The following UTP20 variants were observed in gnomAD, a reference collection of about 807,000 sequenced individuals.
UTP20 encodes small subunit processome component 20 homolog.
UTP20 carries 164 observed loss-of-function variants against 329.5 expected under a neutral mutation model. The ratio of observed to expected loss-of-function variants is 0.50; its 90% CI spans 0.44 to 0.57. UTP20 has a LOEUF of 0.57. Among genes scored for constraint, UTP20 ranks in the 20% least tolerant of loss-of-function variants. The pLI is 0.00. For missense variants in UTP20, 3,055 were observed against 3,284.2 expected, an observed-to-expected ratio of 0.93 and a Z score of 1.71; for synonymous variants, 1,151 against 1,159.3, an observed-to-expected ratio of 0.99 and a Z score of 0.14.
At chr12:101,384,015 T>G (rs1870747215) in intron 60 of UTP20, among the ~76,000 whole-genome samples, 1 of 144,972 alleles carries the variant, frequency 6.9e-6, no homozygotes, top group Non-Finnish European at 1.5e-5. Context: ...GAGTTTATTT[T>G]TAAAAAGAAA....
intron 18 of UTP20, among the ~76,000 whole-genome samples, chr12:101,309,549 C>T (rs559331793): frequency 2.6e-5 from 4 of 152,228 alleles, no homozygotes; most frequent in Admixed American, 1.3e-4. Context: ...TTTGCTGTAG[C>T]GATTCTTCTA....
intron 48 of UTP20, among the ~76,000 whole-genome samples, chr12:101,369,069 T>TA (rs1345574222): frequency 1.3e-5 from 2 of 152,230 alleles, no homozygotes; most frequent in Non-Finnish European, 2.9e-5. Context: ...TATTAAATGA[T>TA]AGTCAATTGT....
intron 28 of UTP20, 21 bp from the exon 29 acceptor site, chr12:101,334,404 G>GT: frequency 6.2e-7 from 1 of 1,604,490 alleles, no homozygotes; most frequent in Non-Finnish European, 8.5e-7. Flanking sequence ...TTGGTATTCT[G>GT]TTTTTTACTT....
intron 40 of UTP20, among the ~76,000 whole-genome samples, chr12:101,353,338 G>A (rs1417811980): frequency 2.0e-5 from 3 of 152,092 alleles, no homozygotes; most frequent in Non-Finnish European, 4.4e-5. Context: ...AGTCTAAATT[G>A]TATTAGTGAA....
chr12:101,340,937 CTTTTTTTTTTTTTTTTTTTTTTTT>C (rs71091488), intron 32 of UTP20, among the ~76,000 whole-genome samples: 8 of 83,012 alleles, frequency 9.6e-5, no homozygotes, highest in African/African-American at 2.2e-4. Flanking sequence ...ATTGTGTAAT[CTTTTTTTTTTTTTTTTTTTTTTTT>C]TTTTTTTTTT....
chr12:101,288,611 A>G (rs1872034698), intron 5 of UTP20, among the ~76,000 whole-genome samples: 1 of 152,214 alleles, frequency 6.6e-6, no homozygotes, highest in Non-Finnish European at 1.5e-5. Flanking sequence ...TGTCATGACC[A>G]TGATCATTTC....
chr12:101,333,515 CT>C (rs1868831141), intron 28 of UTP20, 71 bp downstream of exon 28: 1 of 1,551,682 alleles, frequency 6.4e-7, no homozygotes, highest in Admixed American at 1.9e-5. Context: ...ACCAACATAG[CT>C]ACCACCCAGA....
At chr12:101,353,254 A>G in intron 40 of UTP20, 125 bp downstream of exon 40, 1 of 516,360 alleles carries the variant, frequency 1.9e-6, no homozygotes, top group Non-Finnish European at 3.3e-6. Context: ...ATGGACAGTT[A>G]ATGAGTCAGG....
chr12:101,376,273 T>C (rs1265730223), intron 56 of UTP20, among the ~76,000 whole-genome samples: 1 of 152,224 alleles, frequency 6.6e-6, no homozygotes, highest in East Asian at 1.9e-4. Context: ...AATAGCTATA[T>C]AGTAGTCCAT....
intron 57 of UTP20, among the ~76,000 whole-genome samples, chr12:101,380,863 TAAAAAAAAA>T (rs35235306): frequency 4.0e-4 from 46 of 115,148 alleles, no homozygotes; most frequent in African/African-American, 1.5e-3. Flanking sequence ...GACTCTGTCT[TAAAAAAAAA>T]AAAAAAAAAA....
At position 101,369,721 on chromosome 12, in the gene UTP20, G is replaced by C; in HGVS notation, c.6385G>C (p.Val2129Leu). 6.6e-7 allele frequency: 1 copy of C among 1,524,090 alleles called. No homozygotes were observed. The highest frequency in any genetic ancestry group is 9.1e-7 in the Non-Finnish European group (1 of 1,099,924). The allele number at this position is 1,524,090 out of a possible 1,614,324, so 94.4% of individuals were successfully genotyped here. A position where few individuals can be genotyped will look rare whatever the true frequency, so the allele number is the denominator to read the frequency against. The change falls in exon 49 of 62, where the codon GTG becomes CTG. Residue 2129 changes from valine (V) to leucine (L), a missense_variant and splice_region_variant. By Grantham distance (32) the Val-to-Leu change is conservative. Coordinates refer to ENST00000261637, the MANE Select transcript of UTP20 (RefSeq NM_014503.3). ...IDCLGSMDVK[V>L]ITGALQCLIW... ...TGGTGTTTTGTTTTGTTTTTTTCAG[G>C]TGATCACAGGTGCTTTACAGTGCCT...
chr12:101,382,944 T>G (rs574819321), intron 58 of UTP20, 97 bp from the exon 59 acceptor site: 1 of 1,441,380 alleles, frequency 6.9e-7, no homozygotes, highest in African/African-American at 1.4e-5. Context: ...TTTTGTTTTC[T>G]AATTGTAGAA....
At chr12:101,343,185 T>C (rs1379706348) in intron 35 of UTP20, 92 bp downstream of exon 35, 10 of 860,010 alleles carry the variant, frequency 1.2e-5, no homozygotes, top group African/African-American at 3.5e-5. Context: ...AATTTGTTTT[T>C]TGAGGGGGGA....
intron 44 of UTP20, 107 bp downstream of exon 44, chr12:101,362,167 AT>A: frequency 1.3e-6 from 1 of 764,684 alleles, no homozygotes; most frequent in Middle Eastern, 3.3e-4. Context: ...AATGAAAATA[AT>A]GTAACACCTC....
chr12:101,386,212 G>A lies in UTP20; in HGVS notation c.*89G>A, dbSNP rs539042220. On this transcript the variant is annotated 3_prime_UTR_variant, in exon 62 of 62. Coordinates refer to ENST00000261637, the MANE Select transcript of UTP20 (RefSeq NM_014503.3). The stretch of plus-strand genomic sequence containing the variant: ...AGGTTGTCTGGGGTAGGGGGGAGGC[G>A]TTTTTTTTTTTTTTTGAGACAAGGT... 14 of 906,172 alleles carry A rather than the reference G, an allele frequency of 1.5e-5. No individual in the cohort carries two copies. The highest frequency in any genetic ancestry group is 3.7e-5 in the African/African-American group (2 of 54,128). 56.1% of individuals were successfully genotyped at this position (906,172 alleles called of 1,614,324 possible).
intron 27 of UTP20, among the ~76,000 whole-genome samples, chr12:101,330,164 G>C (rs1429777969): frequency 3.3e-5 from 5 of 151,834 alleles, no homozygotes; most frequent in African/African-American, 9.7e-5. Context: ...GATCAGTGTA[G>C]GGGTGGATAG....
intron 26 of UTP20, among the ~76,000 whole-genome samples, chr12:101,328,371 A>T (rs1189996926): frequency 6.6e-6 from 1 of 152,226 alleles, no homozygotes; most frequent in African/African-American, 2.4e-5. Context: ...AACAATTCAT[A>T]TCTTTTCAGT....
chr12:101,280,703 T>C (rs76906228), intron 1 of UTP20, among the ~76,000 whole-genome samples: 7,622 of 152,286 alleles, frequency 0.05, 534 homozygotes, highest in African/African-American at 0.16. Flanking sequence ...CAGCGCTTTC[T>C]CTGTTTGCCC....
rs1872176534 is a variant in UTP20 at position 101,292,068 on chromosome 12, C to T, written c.1137C>T (p.Ser379=). 2 of 1,613,910 alleles carry T rather than the reference C, an allele frequency of 1.2e-6. No homozygotes were observed. Among genetic ancestry groups the T allele is most frequent in the Admixed American group, 1.7e-5 (1 of 59,972 alleles). The change falls in exon 10 of 62, where the codon TCC becomes TCT. Residue 379 remains serine (S), a synonymous_variant. Transcript: ENST00000261637. Reference sequence around the variant, plus strand: ...CTTTGATCCTGGGTGAAAATGTTTCCTTGCCGGAGACCCTCATCAAAGAAA... The same window carrying T: ...CTTTGATCCTGGGTGAAAATGTTTCTTTGCCGGAGACCCTCATCAAAGAAA... ...ISALILGENV[S]LPETLIKETI... is the part of the protein sequence containing the mutation.
Sources: allele counts gnomAD v4.1 joint callset (sites outside exome capture counted in the v4.1 genomes callset), GRCh38; gene constraint gnomAD v4.1.1; transcripts MANE v1.5; gene names NCBI Gene and HGNC (gene_info 2026-07-23, HGNC 2026-07-21).